MALSU1: variants seen among roughly 807,000 people sequenced by gnomAD.
MALSU1 encodes the protein mitochondrial assembly of ribosomal large subunit protein 1.
A neutral mutation model predicts 22.1 loss-of-function variants in MALSU1; 22 were observed. That is an observed-to-expected ratio of 1.00 (90% CI 0.71 to 1.42). The LOEUF (loss-of-function observed/expected upper bound fraction) is 1.42. Among genes scored for constraint, MALSU1 ranks in the 40% most tolerant of loss-of-function variants. The pLI, the probability that MALSU1 is intolerant of heterozygous loss-of-function variation, is 0.00. For synonymous variants in MALSU1, 153 were observed against 118.5 expected (o/e 1.29, Z -1.89); for missense variants, 379 against 308.3 (o/e 1.23, Z -1.72).
At chr7:23,308,791 T>C (rs1783759811) in intron 3 of MALSU1, among the ~76,000 whole-genome samples, 1 of 152,216 alleles carries the variant, frequency 6.6e-6, no homozygotes, top group East Asian at 1.9e-4. Context: ...ATTAACGTTT[T>C]GGACCAGGTA....
At chr7:23,303,328 A>G (rs1783673243) in intron 2 of MALSU1, among the ~76,000 whole-genome samples, 3 of 152,214 alleles carry the variant, frequency 2.0e-5, no homozygotes, top group Admixed American at 2.0e-4. Context: ...AATGTCTTCA[A>G]GGTTCATCCA....
chr7:23,304,993 A>G (rs1783705952), intron 2 of MALSU1, among the ~76,000 whole-genome samples: 1 of 152,204 alleles, frequency 6.6e-6, no homozygotes, highest in African/African-American at 2.4e-5. Context: ...TATCTAATAA[A>G]TAATTGCCAA....
chr7:23,301,554 C>T (rs180931638), intron 2 of MALSU1, among the ~76,000 whole-genome samples: 1 of 152,168 alleles, frequency 6.6e-6, no homozygotes. Context: ...CCACCTCACC[C>T]GGCCGGAAAA....
chr7:23,308,652 G>A (rs1047633852), intron 3 of MALSU1, among the ~76,000 whole-genome samples: 3 of 152,118 alleles, frequency 2.0e-5, no homozygotes, highest in African/African-American at 7.2e-5. Flanking sequence ...ATTCCATAGG[G>A]CAACATGGGC....
chr7:23,309,662 C>T lies in MALSU1; in HGVS notation c.*119C>T. 2.8e-6 allele frequency: 2 copies of T among 716,142 alleles called. No homozygotes were observed. The highest frequency in any genetic ancestry group is 4.3e-5 in the South Asian group (2 of 46,758). The allele number at this position is 716,142 out of a possible 1,614,324, so 44.4% of individuals were successfully genotyped here. On this transcript the variant is annotated 3_prime_UTR_variant, in exon 4 of 4. Coordinates refer to ENST00000466681, the MANE Select transcript of MALSU1 (RefSeq NM_138446.2). ...CTCTTAGGACAAGGCTTGTGTACCT[C>T]ATGGGCACTCCTGCTAACTGGCATG...
At position 23,309,875 on chromosome 7, in the gene MALSU1, C is replaced by CTGTT. The variant is rs533393425; in HGVS notation, c.*338_*341dup. On this transcript the variant is annotated 3_prime_UTR_variant, in exon 4 of 4. Transcript: ENST00000466681. The stretch of plus-strand genomic sequence containing the variant: ...TTTAGCTTAAATGTAAATCTTAACC[C>CTGTT]TGTTTGTTTAATGGAATGGCAAAAA... 1.7e-3 allele frequency: 274 copies of CTGTT among 161,786 alleles called. 1 individual carries two copies. Among genetic ancestry groups the CTGTT allele is most frequent in the Middle Eastern group, 8.5e-3 (3 of 352 alleles). 10.0% of individuals were successfully genotyped at this position (161,786 alleles called of 1,614,324 possible).
intron 2 of MALSU1, 125 bp downstream of exon 2, chr7:23,301,142 C>G: frequency 1.3e-6 from 1 of 789,720 alleles, no homozygotes; most frequent in Non-Finnish European, 2.0e-6. Flanking sequence ...CCCAAATTTT[C>G]AGAATTTGCA....
At chr7:23,303,449 G>A (rs1338940476) in intron 2 of MALSU1, among the ~76,000 whole-genome samples, 6 of 152,082 alleles carry the variant, frequency 3.9e-5, no homozygotes, top group Non-Finnish European at 7.4e-5. Context: ...CACTTAGATT[G>A]CTTCCACCTT....
intron 2 of MALSU1, among the ~76,000 whole-genome samples, chr7:23,307,048 T>TA (rs1356933749): frequency 6.6e-6 from 1 of 152,206 alleles, no homozygotes. Context: ...CCATACTAGT[T>TA]ATGGTCTATT....
rs1411518519 is a variant in MALSU1, at chr7:23,299,386, G to C, written c.34G>C (p.Ala12Pro). ...GGGCGGCCGTGTGGCGCGGCTGCTC[G>C]CCCCACTAATGTGGCGCAGGGCGGT... ...GPGGRVARLL[A>P]PLMWRRAVSS... Residue 12 changes from alanine (A) to proline (P), a missense_variant, in exon 1 of 4, where the codon GCC (alanine) becomes CCC (proline). By Grantham distance (27) the Ala-to-Pro change is conservative. Transcript: ENST00000466681. The C allele has an allele frequency of 2.5e-6, 4 of 1,589,640 alleles. No homozygotes were observed. Among genetic ancestry groups the C allele is most frequent in the African/African-American group, 1.3e-5 (1 of 74,496 alleles).
At position 23,309,801 on chromosome 7, in the gene MALSU1, G is replaced by A. The variant is rs147963806; in HGVS notation, c.*258G>A. On this transcript the variant is annotated 3_prime_UTR_variant, in exon 4 of 4. Coordinates refer to ENST00000466681, the MANE Select transcript of MALSU1 (RefSeq NM_138446.2). ...ATGTCATCAGAATTTCCTGGAGTTA[G>A]CACTGGCTCCTGTGCTTGACTTCTC... The A allele has an allele frequency of 1.9e-4, 47 of 253,672 alleles. No homozygotes were observed. In the East Asian group the frequency reaches 3.0e-3, roughly 16 times the overall value. 15.7% of individuals were successfully genotyped at this position (253,672 alleles called of 1,614,324 possible). A position where few individuals can be genotyped will look rare whatever the true frequency, so the allele number is the denominator to read the frequency against.
intron 2 of MALSU1, among the ~76,000 whole-genome samples, chr7:23,303,719 G>A (rs1783687564): frequency 6.6e-6 from 1 of 151,416 alleles, no homozygotes; most frequent in Non-Finnish European, 1.5e-5. Context: ...CTGAGGTGGA[G>A]GATTGCTTGA....
chr7:23,301,599 G>T (rs1247467456), intron 2 of MALSU1, among the ~76,000 whole-genome samples: 2 of 152,208 alleles, frequency 1.3e-5, no homozygotes, highest in East Asian at 3.8e-4. Context: ...CTAGAAGACA[G>T]TATAACCAGA....
At chr7:23,305,207 A>C (rs1783708181) in intron 2 of MALSU1, among the ~76,000 whole-genome samples, 1 of 152,172 alleles carries the variant, frequency 6.6e-6, no homozygotes, top group Non-Finnish European at 1.5e-5. Flanking sequence ...GACCATAGGC[A>C]CAAGGGTTTA....
At chr7:23,308,012 C>A (rs1783746411) in intron 3 of MALSU1, 63 bp downstream of exon 3, 3 of 1,202,278 alleles carry the variant, frequency 2.5e-6, no homozygotes, top group Admixed American at 3.5e-5. Context: ...GAATTGTTTT[C>A]AGTTGCAAAA....
intron 2 of MALSU1, among the ~76,000 whole-genome samples, chr7:23,306,863 A>T (rs1489289600): frequency 1.3e-5 from 2 of 152,106 alleles, no homozygotes; most frequent in East Asian, 3.8e-4. Flanking sequence ...TTTTGCATCA[A>T]ATGTTCATCA....
Position 23,301,032 on chromosome 7 carries a change from TTTCTC to T in MALSU1, c.435+18_435+22del. 2.5e-6 allele frequency: 4 copies of T among 1,606,660 alleles called. No individual in the cohort carries two copies. The highest frequency in any genetic ancestry group is 3.4e-6 in the Non-Finnish European group (4 of 1,175,568). On this transcript the variant is annotated intron_variant, in intron 2 of 3. Coordinates refer to ENST00000466681, the MANE Select transcript of MALSU1 (RefSeq NM_138446.2). ...TTGTGAAAATGGTAGGATGCTTTCT[TTTCTC>T]TTTTGGACCATTAACTGAGTGGAAT... is the stretch of plus-strand genomic sequence containing the variant.
intron 3 of MALSU1, among the ~76,000 whole-genome samples, chr7:23,308,353 C>G (rs1194343296): frequency 6.6e-6 from 1 of 152,092 alleles, no homozygotes; most frequent in Non-Finnish European, 1.5e-5. Flanking sequence ...CAAAAAAGGA[C>G]AAGAGCAGAA....
intron 2 of MALSU1, among the ~76,000 whole-genome samples, chr7:23,304,875 C>A (rs1783704301): frequency 6.8e-6 from 1 of 146,662 alleles, no homozygotes. Context: ...TTCTGCCATT[C>A]TGTGGGTTGC....
Sources: gnomAD v4.1 joint callset for allele counts (sites outside exome capture counted in the v4.1 genomes callset) on GRCh38, gnomAD v4.1.1 for gene constraint, MANE v1.5 for transcripts, NCBI Gene and HGNC (gene_info 2026-07-23, HGNC 2026-07-21) for gene names.